Variants in RUVBL1 observed in about 807,000 individuals in gnomAD.
RUVBL1 encodes the protein ruvB-like 1.
In RUVBL1, 4 loss-of-function variants were observed where a neutral mutation model predicts 52.4. The ratio of observed to expected loss-of-function variants is 0.08; its 90% CI spans 0.04 to 0.17. RUVBL1 has a LOEUF of 0.17. Among genes scored for constraint, RUVBL1 ranks in the 10% least tolerant of loss-of-function variants. RUVBL1 has a pLI of 1.00. For synonymous variants in RUVBL1, 217 were observed against 214.4 expected (o/e 1.01, Z -0.10); for missense variants, 298 against 572.8 (o/e 0.52, Z 4.90).
intron 8 of RUVBL1, among the ~76,000 whole-genome samples, chr3:128,095,839 C>T (rs1351643014): frequency 3.9e-5 from 6 of 152,088 alleles, no homozygotes; most frequent in Non-Finnish European, 7.3e-5. Flanking sequence ...ACACTACAAC[C>T]TTAAACTCCT....
chr3:128,105,336 G>A (rs530483602), intron 3 of RUVBL1, among the ~76,000 whole-genome samples: 89 of 151,674 alleles, frequency 5.9e-4, no homozygotes, highest in African/African-American at 2.1e-3. Flanking sequence ...TAGCCAGGAT[G>A]GTCTTGATCT....
At chr3:128,142,020 C>T (rs535197450) in intron 1 of RUVBL1, 1 of 152,260 alleles carries the variant, frequency 6.6e-6, no homozygotes. Context: ...TAGGCACTCA[C>T]AGGAACTGCT....
chr3:128,152,460 T>A (rs1944235338), intron 1 of RUVBL1, among the ~76,000 whole-genome samples: 1 of 152,200 alleles, frequency 6.6e-6, no homozygotes, highest in Non-Finnish European at 1.5e-5. Flanking sequence ...TAGCTGTCCA[T>A]CCTCCCTCTC....
At position 128,141,484 on chromosome 3, in the gene RUVBL1, TTTTTC is replaced by T. The variant is rs112847567; in HGVS notation, c.-40+11714_-40+11718del. On this transcript the variant is annotated intron_variant, in intron 1 of 9. Coordinates refer to the RUVBL1 transcript ENST00000464873. Reference sequence around the variant, plus strand: ...CCTTGGAGTATGAAGACATGGACTTTTTTTCTTTTCTTTTCTTTTCTTTTCTTTTG... The same window carrying T: ...CCTTGGAGTATGAAGACATGGACTTTTTTTCTTTTCTTTTCTTTTCTTTTG... 2.9e-3 allele frequency among the ~76,000 whole-genome samples: 437 copies of T among 150,898 alleles called. 2 individuals are homozygous for T. Among genetic ancestry groups the T allele is most frequent in the African/African-American group, 8.3e-3 (342 of 41,006 alleles).
In RUVBL1 at chr3:128,123,762, C is replaced by T. The variant is rs1039363027; in HGVS notation, c.-38G>A. ...GGGAGCTAAAACCAGCGTGGAAAAC[C>T]AGCAGCTAGGACAGTGCGCCCGGCG... On this transcript the variant is annotated 5_prime_UTR_variant, in exon 1 of 11. Coordinates refer to ENST00000322623, the MANE Select transcript of RUVBL1 (RefSeq NM_003707.3). The T allele has an allele frequency of 6.3e-7, 1 of 1,580,970 alleles. No homozygotes were observed.
chr3:128,069,394 A>G, intron 9 of RUVBL1: 1 of 1,342,944 alleles, frequency 7.4e-7, no homozygotes, highest in Non-Finnish European at 1.0e-6. Context: ...TTAGGTCCCA[A>G]AGTCTCAGGT....
intron 9 of RUVBL1, among the ~76,000 whole-genome samples, chr3:128,072,974 C>T (rs1942211631): frequency 6.6e-6 from 1 of 152,116 alleles, no homozygotes; most frequent in African/African-American, 2.4e-5. Flanking sequence ...CAGCCACTTC[C>T]TACATGTGCT....
chr3:128,087,310 C>T (rs985725011), intron 9 of RUVBL1, among the ~76,000 whole-genome samples: 2 of 152,242 alleles, frequency 1.3e-5, no homozygotes, highest in African/African-American at 4.8e-5. Context: ...AGGCCACAGG[C>T]ATATTCTGGC....
At chr3:128,090,333 C>CATCCTGGCTAAA in intron 8 of RUVBL1, among the ~76,000 whole-genome samples, 1 of 151,854 alleles carries the variant, frequency 6.6e-6, no homozygotes, top group Non-Finnish European at 1.5e-5. Flanking sequence ...AGATTGAGAC[C>CATCCTGGCTAAA]ACGGTGAAAC....
chr3:128,122,043 G>C (rs1315931017), intron 1 of RUVBL1, among the ~76,000 whole-genome samples: 1 of 152,216 alleles, frequency 6.6e-6, no homozygotes, highest in Non-Finnish European at 1.5e-5. Flanking sequence ...GTGGGTCTTA[G>C]GCATACAGCA....
chr3:128,143,173 A>ATT (rs35634913), intron 1 of RUVBL1, among the ~76,000 whole-genome samples: 16,617 of 133,010 alleles, frequency 0.12, 1,179 homozygotes, highest in South Asian at 0.17. Context: ...ACCCTTATCT[A>ATT]TTTTTTTTTT....
upstream of RUVBL1, among the ~76,000 whole-genome samples, chr3:128,125,960 A>T (rs1021004772): frequency 2.0e-5 from 3 of 152,182 alleles, no homozygotes; most frequent in Non-Finnish European, 4.4e-5. Flanking sequence ...TTATTATTTC[A>T]GCCCTAGTCT....
At chr3:128,077,316 C>G (rs1942363877), downstream of RUVBL1, among the ~76,000 whole-genome samples, 1 of 152,126 alleles carries the variant, frequency 6.6e-6, no homozygotes, top group Non-Finnish European at 1.5e-5. Context: ...AGCTCCCCAG[C>G]CCCCCTGCCC....
At chr3:128,108,775 A>C (rs1943306951) in intron 3 of RUVBL1, among the ~76,000 whole-genome samples, 1 of 152,206 alleles carries the variant, frequency 6.6e-6, no homozygotes, top group African/African-American at 2.4e-5. Flanking sequence ...TTATGAGTTA[A>C]ATAAAACCAT....
chr3:128,106,730 A>G (rs748408792), intron 3 of RUVBL1, among the ~76,000 whole-genome samples: 1 of 152,222 alleles, frequency 6.6e-6, no homozygotes, highest in African/African-American at 2.4e-5. Context: ...AGATACATTT[A>G]CATGTTCTAT....
At chr3:128,065,360 C>T (rs2107648188) in intron 9 of RUVBL1, 2 of 579,360 alleles carry the variant, frequency 3.5e-6, no homozygotes, top group East Asian at 2.8e-5. Context: ...TCTGAAACCT[C>T]ATTGCTCTCT....
At chr3:128,069,889 T>C (rs529034560) in intron 9 of RUVBL1, 46 of 540,444 alleles carry the variant, frequency 8.5e-5, no homozygotes, top group African/African-American at 8.4e-4. Context: ...TTCAGCCGAC[T>C]GCCAGAGAAG....
intron 9 of RUVBL1, among the ~76,000 whole-genome samples, chr3:128,072,773 C>T (rs1576430717): frequency 6.6e-6 from 1 of 152,296 alleles, no homozygotes; most frequent in Non-Finnish European, 1.5e-5. Flanking sequence ...CTCAGGTATT[C>T]GTTTGCACCT....
At chr3:128,133,501 G>A (rs1199692631) in intron 1 of RUVBL1, among the ~76,000 whole-genome samples, 1 of 152,186 alleles carries the variant, frequency 6.6e-6, no homozygotes, top group Non-Finnish European at 1.5e-5. Context: ...TGCTACAGAG[G>A]TGCTTGTATC....
Sources: allele counts gnomAD v4.1 joint callset (sites outside exome capture counted in the v4.1 genomes callset), GRCh38; gene constraint gnomAD v4.1.1; transcripts MANE v1.5; gene names NCBI Gene and HGNC (gene_info 2026-07-23, HGNC 2026-07-21).